Variants in COL10A1 observed in about 807,000 individuals in gnomAD.
COL10A1 encodes collagen type X alpha 1 chain.
COL10A1 carries 10 observed loss-of-function variants against 18.2 expected under a neutral mutation model. The observed-to-expected ratio is 0.55, with a 90% CI of 0.34 to 0.93. COL10A1 has a LOEUF of 0.93. Ranked by LOEUF, COL10A1 falls within the 40% of genes least tolerant of loss-of-function variation. COL10A1 has a pLI of 0.02. For missense variants in COL10A1, 897 were observed against 853.5 expected (o/e 1.05, Z -0.64); for synonymous variants, 330 against 316.6 (o/e 1.04, Z -0.45).
In COL10A1 at chr6:116,150,804, T is replaced by C. The variant is rs376886606; in HGVS notation, c.-16+7810A>G. ...TGAAGGTAAGGAAGCTGGAGAACCT[T>C]GGAGTCTTATATATCTAGTGAATAT... On this transcript the variant is annotated intron_variant, in intron 1 of 1. Transcript: ENST00000418500. Among the ~76,000 whole-genome samples the C allele has an allele frequency of 1.6e-4, 25 of 152,314 alleles. 1 individual carries two copies. In the South Asian group the frequency reaches 5.0e-3, roughly 30 times the overall value.
chr6:116,143,710 A>G (rs1582831501), intron 1 of COL10A1, among the ~76,000 whole-genome samples: 1 of 152,194 alleles, frequency 6.6e-6, no homozygotes, highest in Non-Finnish European at 1.5e-5. Flanking sequence ...TGTTTGATAT[A>G]TAATTTTAAA....
At chr6:116,178,090 C>A in the COL10A1 span, among the ~76,000 whole-genome samples, 1 of 103,522 alleles carries the variant, frequency 9.7e-6, no homozygotes, top group Non-Finnish European at 1.8e-5. Context: ...TGTGTGTGTG[C>A]GCGCGCGCGC....
the COL10A1 span, among the ~76,000 whole-genome samples, chr6:116,205,607 A>G: frequency 7.4e-5 from 11 of 148,936 alleles, no homozygotes; most frequent in African/African-American, 1.3e-4. Context: ...ATTGGGGGGG[A>G]AAAAAGGCTG....
chr6:116,192,189 G>C, the COL10A1 span, among the ~76,000 whole-genome samples: 2 of 152,030 alleles, frequency 1.3e-5, no homozygotes, highest in Non-Finnish European at 2.9e-5. Context: ...GATTTTGCCA[G>C]TTAATTAACC....
intron 1 of COL10A1, chr6:116,137,304 T>C (rs1779634022): frequency 6.3e-6 from 1 of 159,926 alleles, no homozygotes; most frequent in Non-Finnish European, 1.4e-5. Context: ...TATCCACACT[T>C]TATACTTGGC....
At chr6:116,153,382 G>C (rs1157166981) in intron 1 of COL10A1, among the ~76,000 whole-genome samples, 2 of 152,086 alleles carry the variant, frequency 1.3e-5, no homozygotes, top group Non-Finnish European at 2.9e-5. Flanking sequence ...CTCGATTTTA[G>C]ATCTAATATC....
At chr6:116,186,093 G>T in the COL10A1 span, among the ~76,000 whole-genome samples, 1 of 151,964 alleles carries the variant, frequency 6.6e-6, no homozygotes, top group African/African-American at 2.4e-5. Context: ...GCATTTGTTT[G>T]TCTAAAAAAG....
intron 1 of COL10A1, among the ~76,000 whole-genome samples, chr6:116,143,234 CAG>C (rs1779809890): frequency 6.6e-6 from 1 of 151,982 alleles, no homozygotes; most frequent in Non-Finnish European, 1.5e-5. Flanking sequence ...ATTTTTGAGA[CAG>C]AGTCTTGCTC....
chr6:116,167,577 T>C, the COL10A1 span, among the ~76,000 whole-genome samples: 1 of 152,200 alleles, frequency 6.6e-6, no homozygotes, highest in East Asian at 1.9e-4. Flanking sequence ...ACTGATTTCA[T>C]TTGATAAAAT....
chr6:116,154,267 A>G (rs1026162829), intron 1 of COL10A1, among the ~76,000 whole-genome samples: 1 of 152,202 alleles, frequency 6.6e-6, no homozygotes, highest in African/African-American at 2.4e-5. Context: ...ATTTTAACAA[A>G]ACATCAACAT....
At chr6:116,154,365 T>G (rs1384431540) in intron 1 of COL10A1, among the ~76,000 whole-genome samples, 1 of 152,170 alleles carries the variant, frequency 6.6e-6, no homozygotes, top group Non-Finnish European at 1.5e-5. Context: ...CCGTCCATGG[T>G]CACCCAGTTT....
the COL10A1 span, among the ~76,000 whole-genome samples, chr6:116,171,744 G>A: frequency 6.6e-6 from 1 of 152,144 alleles, no homozygotes; most frequent in African/African-American, 2.4e-5. Context: ...TTTCTCCCAT[G>A]GTAAGAACAG....
At chr6:116,162,557 T>C (rs1435268425), upstream of COL10A1, among the ~76,000 whole-genome samples, 1 of 152,210 alleles carries the variant, frequency 6.6e-6, no homozygotes, top group African/African-American at 2.4e-5. Context: ...TTTAATTCTG[T>C]TTATGTGGTG....
chr6:116,214,567 G>A, the COL10A1 span, among the ~76,000 whole-genome samples: 2 of 152,056 alleles, frequency 1.3e-5, no homozygotes, highest in African/African-American at 4.8e-5. Flanking sequence ...GAAATTGTTA[G>A]AAATGCACAT....
intron 1 of COL10A1, among the ~76,000 whole-genome samples, chr6:116,149,811 T>C (rs1182660037): frequency 6.6e-6 from 1 of 152,202 alleles, no homozygotes; most frequent in African/African-American, 2.4e-5. Flanking sequence ...TAGAAATCTT[T>C]TTAATGAGTC....
chr6:116,210,979 A>C, the COL10A1 span, among the ~76,000 whole-genome samples: 1 of 152,030 alleles, frequency 6.6e-6, no homozygotes, highest in Non-Finnish European at 1.5e-5. Context: ...TTCTCCTTGA[A>C]AATGAGCTGG....
At chr6:116,142,233 T>G (rs192200605) in intron 1 of COL10A1, among the ~76,000 whole-genome samples, 2 of 152,224 alleles carry the variant, frequency 1.3e-5, no homozygotes, top group Admixed American at 1.3e-4. Context: ...TTTAGTAATT[T>G]AATTGTAAAA....
intron 1 of COL10A1, among the ~76,000 whole-genome samples, chr6:116,136,702 C>T (rs1471434972): frequency 1.3e-5 from 2 of 152,108 alleles, no homozygotes; most frequent in Non-Finnish European, 2.9e-5. Context: ...AGATAAAAAT[C>T]CATATGCTGT....
the COL10A1 span, among the ~76,000 whole-genome samples, chr6:116,193,366 G>A: frequency 9.9e-5 from 15 of 152,044 alleles, no homozygotes; most frequent in Non-Finnish European, 1.9e-4. Context: ...GGAAGAGCCC[G>A]TGTGTTAGAA....
Sources: allele counts gnomAD v4.1 joint callset (sites outside exome capture counted in the v4.1 genomes callset), GRCh38; gene constraint gnomAD v4.1.1; transcripts MANE v1.5; gene names NCBI Gene and HGNC (gene_info 2026-07-23, HGNC 2026-07-21).